XDH: variants seen among roughly 807,000 people sequenced by gnomAD.
The protein encoded by XDH is xanthine dehydrogenase/oxidase.
In XDH, 138 loss-of-function variants were observed where a neutral mutation model predicts 156.1. The observed-to-expected ratio is 0.88, with a 90% CI of 0.77 to 1.02. The LOEUF is 1.02. XDH is among the 50% of genes least tolerant of loss of function. XDH has a pLI of 0.00. For synonymous variants in XDH, 669 were observed against 625.7 expected (o/e 1.07, Z -1.03); for missense variants, 1,849 against 1,684.9 (o/e 1.10, Z -1.71).
At chr2:31,382,816 C>A (rs903925856) in intron 11 of XDH, among the ~76,000 whole-genome samples, 185 bp downstream of exon 11, 1 of 152,130 alleles carries the variant, frequency 6.6e-6, no homozygotes, top group Non-Finnish European at 1.5e-5. Context: ...CATCCCAGAC[C>A]CATGTATCAG....
chr2:31,409,186 C>CA (rs1016881506), intron 1 of XDH, among the ~76,000 whole-genome samples: 3 of 151,198 alleles, frequency 2.0e-5, no homozygotes, highest in South Asian at 2.1e-4. Flanking sequence ...CTAATAGGTA[C>CA]AAAAAAATAG....
At chr2:31,365,769 C>T (rs566638191) in intron 22 of XDH, among the ~76,000 whole-genome samples, 15 of 152,202 alleles carry the variant, frequency 9.9e-5, no homozygotes, top group Admixed American at 2.6e-4. Context: ...TAGGAGAGAT[C>T]AGAGGTGGAT....
chr2:31,352,886 T>TTA (rs1685521263), intron 24 of XDH, among the ~76,000 whole-genome samples: 2 of 13,162 alleles, frequency 1.5e-4, no homozygotes, highest in South Asian at 5.5e-3. Context: ...AACTTTAACC[T>TTA]TTTTTTTTTT....
intron 3 of XDH, 31 bp from the exon 4 acceptor site, chr2:31,401,359 A>G (rs1440612036): frequency 2.5e-6 from 4 of 1,610,418 alleles, no homozygotes; most frequent in Non-Finnish European, 3.4e-6. Context: ...CATTCCATTT[A>G]TTGTCCACTC....
rs112136061 is a variant in XDH at position 31,378,326 on chromosome 2, C to T, written c.1243-1089G>A. On this transcript the variant is annotated intron_variant, in intron 13 of 35. Coordinates refer to ENST00000379416, the MANE Select transcript of XDH (RefSeq NM_000379.4). ...TTTAAGGATAGGAGGAGAGCATGAG[C>T]TATTTTCCAGGAAAGAGCCACCTGA... 5.4e-3 allele frequency among the ~76,000 whole-genome samples: 821 copies of T among 152,214 alleles called. 9 individuals are homozygous for T. Among genetic ancestry groups the T allele is most frequent in the African/African-American group, 0.019 (781 of 41,522 alleles).
chr2:31,364,964 A>T (rs949834611), intron 23 of XDH, among the ~76,000 whole-genome samples: 4 of 152,146 alleles, frequency 2.6e-5, no homozygotes, highest in Non-Finnish European at 5.9e-5. Flanking sequence ...TCATCCACAG[A>T]AACCCAGAAG....
intron 8 of XDH, among the ~76,000 whole-genome samples, chr2:31,387,445 C>G (rs206846): frequency 0.63 from 96,049 of 151,928 alleles, 31,097 homozygotes; most frequent in African/African-American, 0.77. Context: ...AGAGGGAATA[C>G]GTTTCTTGGA....
intron 24 of XDH, among the ~76,000 whole-genome samples, chr2:31,353,857 C>T (rs1685556054): frequency 1.3e-5 from 2 of 152,158 alleles, no homozygotes; most frequent in Non-Finnish European, 2.9e-5. Flanking sequence ...CCCCAACATT[C>T]CTGCTGGGAT....
At chr2:31,399,761 C>T (rs1201179267) in intron 4 of XDH, among the ~76,000 whole-genome samples, 1 of 152,170 alleles carries the variant, frequency 6.6e-6, no homozygotes, top group Non-Finnish European at 1.5e-5. Flanking sequence ...GCTCTCATTT[C>T]TCTTGTCTGC....
At chr2:31,367,876 T>C in intron 20 of XDH, 85 bp downstream of exon 20, 1 of 1,310,338 alleles carries the variant, frequency 7.6e-7, no homozygotes, top group Non-Finnish European at 1.1e-6. Flanking sequence ...ATCACTTCCC[T>C]GCTTCAGGGT....
chr2:31,389,412 C>T (rs1458519626), intron 6 of XDH, among the ~76,000 whole-genome samples: 2 of 152,178 alleles, frequency 1.3e-5, no homozygotes, highest in Admixed American at 6.5e-5. Context: ...GGACACCAGA[C>T]CTGCTCCGTC....
intron 24 of XDH, 44 bp downstream of exon 24, chr2:31,364,114 C>T (rs932702052): frequency 6.2e-7 from 1 of 1,604,956 alleles, no homozygotes. Context: ...AGGCTGACCT[C>T]GAAGTCAGCT....
At chr2:31,366,751 C>A in intron 21 of XDH, 119 bp downstream of exon 21, 1 of 1,519,732 alleles carries the variant, frequency 6.6e-7, no homozygotes. Flanking sequence ...CTATGACACT[C>A]GAGTACCCTC....
intron 33 of XDH, among the ~76,000 whole-genome samples, chr2:31,339,891 C>T (rs549880925): frequency 2.6e-5 from 4 of 152,310 alleles, no homozygotes; most frequent in South Asian, 2.1e-4. Flanking sequence ...GACATTAACA[C>T]GGAAGGTCAG....
At chr2:31,365,175 G>A (rs927009696) in intron 23 of XDH, among the ~76,000 whole-genome samples, 2 of 152,198 alleles carry the variant, frequency 1.3e-5, no homozygotes, top group Non-Finnish European at 2.9e-5. Flanking sequence ...TTTACCCTGA[G>A]TATGCTGGTG....
Position 31,352,036 on chromosome 2 carries a change from A to G in XDH, c.2632-1813T>C, listed in dbSNP as rs111575765. 6.2e-3 allele frequency among the ~76,000 whole-genome samples: 940 copies of G among 152,282 alleles called. 11 individuals are homozygous for G. Among genetic ancestry groups the G allele is most frequent in the African/African-American group, 0.021 (878 of 41,576 alleles). On this transcript the variant is annotated intron_variant, in intron 24 of 35. Coordinates refer to ENST00000379416, the MANE Select transcript of XDH (RefSeq NM_000379.4). The stretch of plus-strand genomic sequence containing the variant: ...TGTTTTAATCCCAAAGTGTATGCCC[A>G]TCAGTTTTGGAAAATTTTTTGAATT...
chr2:31,405,054 G>C (rs926077174), intron 2 of XDH, among the ~76,000 whole-genome samples: 2 of 152,180 alleles, frequency 1.3e-5, no homozygotes, highest in Non-Finnish European at 2.9e-5. Flanking sequence ...GTGAGAGGTT[G>C]GGAACACAGC....
chr2:31,397,015 G>A (rs1206254701), intron 6 of XDH, among the ~76,000 whole-genome samples: 4 of 152,298 alleles, frequency 2.6e-5, no homozygotes, highest in Middle Eastern at 3.4e-3. Context: ...CAGGATTAAC[G>A]TGGCCCAATT....
intron 3 of XDH, among the ~76,000 whole-genome samples, chr2:31,402,365 T>C (rs867292186): frequency 3.9e-5 from 6 of 152,178 alleles, no homozygotes; most frequent in Non-Finnish European, 8.8e-5. Context: ...CTGCTTCTAA[T>C]GTGGAGCTGC....
Sources: allele counts gnomAD v4.1 joint callset (sites outside exome capture counted in the v4.1 genomes callset), GRCh38; gene constraint gnomAD v4.1.1; transcripts MANE v1.5; gene names NCBI Gene and HGNC (gene_info 2026-07-23, HGNC 2026-07-21).